The following GUCA2B variants were observed in gnomAD, a reference collection of about 807,000 sequenced individuals.
GUCA2B encodes guanylate cyclase activator 2B, also known as prepro-uroguanylin.
In GUCA2B, 7 loss-of-function variants were observed where a neutral mutation model predicts 11.1. The observed-to-expected ratio is 0.63, with a 90% CI of 0.36 to 1.18. The LOEUF (loss-of-function observed/expected upper bound fraction) is 1.18, where lower values mean the gene tolerates loss of function less well. Among genes scored for constraint, GUCA2B ranks in the 50% most tolerant of loss-of-function variants. GUCA2B has a pLI of 0.02. For missense variants in GUCA2B, 140 were observed against 142.5 expected (o/e 0.98, Z 0.09); for synonymous variants, 69 against 65.3 (o/e 1.06, Z -0.27).
intron 2 of GUCA2B, 136 bp from the exon 3 acceptor site, chr1:42,155,399 A>G: frequency 1.4e-6 from 1 of 729,260 alleles, no homozygotes; most frequent in South Asian, 1.5e-5. Flanking sequence ...ACTTGAACCC[A>G]AGCCCTCACT....
rs756129506 is a variant in GUCA2B, at chr1:42,154,766, C to T, written c.177C>T (p.Ala59=). Residue 59 remains alanine (A), a synonymous_variant, in exon 2 of 3, where the codon GCC becomes GCT. Coordinates refer to ENST00000372581, the MANE Select transcript of GUCA2B (RefSeq NM_007102.3). ...AQWAPSPRLQ[A]QSLLPAVCHH... ...GGGCACCCAGCCCCCGCCTGCAGGCCCAGAGCCTCCTGCCCGCCGTGTGCC... is the reference window on the plus strand; with the variant it reads ...GGGCACCCAGCCCCCGCCTGCAGGCTCAGAGCCTCCTGCCCGCCGTGTGCC... 1.2e-6 allele frequency: 2 copies of T among 1,613,922 alleles called. No homozygotes were observed. Among genetic ancestry groups the T allele is most frequent in the Non-Finnish European group, 1.7e-6 (2 of 1,179,818 alleles).
rs1430408174 is a variant in GUCA2B, at chr1:42,155,749, A to G, written c.*153A>G. 4.3e-6 allele frequency: 3 copies of G among 692,912 alleles called. No homozygotes were observed. Among genetic ancestry groups the G allele is most frequent in the Non-Finnish European group, 7.9e-6 (3 of 382,042 alleles). The allele number at this position is 692,912 out of a possible 1,614,324, so 42.9% of individuals were successfully genotyped here. On this transcript the variant is annotated 3_prime_UTR_variant, in exon 3 of 3. Coordinates refer to ENST00000372581, the MANE Select transcript of GUCA2B (RefSeq NM_007102.3). Reference sequence around the variant, plus strand: ...GGCCTGAGCAGCTGGATCTGGTACAAAGCAATCGGACATAGAGTTGGAGGG... The same window carrying G: ...GGCCTGAGCAGCTGGATCTGGTACAGAGCAATCGGACATAGAGTTGGAGGG...
At position 42,154,694 on chromosome 1, in the gene GUCA2B, G is replaced by T. The variant is rs777570886; in HGVS notation, c.105G>T (p.Arg35=). 4.3e-5 allele frequency: 70 copies of T among 1,613,940 alleles called. No individual in the cohort carries two copies. The highest frequency in any genetic ancestry group is 1.6e-4 in the Middle Eastern group (1 of 6,084). Residue 35 remains arginine, a synonymous_variant, in exon 2 of 3, where the codon CGG becomes CGT. Coordinates refer to ENST00000372581, the MANE Select transcript of GUCA2B (RefSeq NM_007102.3). ...CCTGTCTGTAGTACCAAGGCTTCCG[G>T]GTCCAGCTGGAATCCATGAAGAAGC... ...QSVYIQYQGF[R]VQLESMKKLS...
chr1:42,154,353 C>T (rs948496872), intron 1 of GUCA2B, among the ~76,000 whole-genome samples: 1 of 152,198 alleles, frequency 6.6e-6, no homozygotes, highest in African/African-American at 2.4e-5. Flanking sequence ...AGTGATTGTG[C>T]CCTGGTACCA....
At chr1:42,154,250 A>G (rs956344228) in intron 1 of GUCA2B, among the ~76,000 whole-genome samples, 2 of 152,096 alleles carry the variant, frequency 1.3e-5, no homozygotes, top group Non-Finnish European at 2.9e-5. Flanking sequence ...GGGGTGCAGG[A>G]GACTTGGCCT....
At position 42,155,672 on chromosome 1, in the gene GUCA2B, G is replaced by T; in HGVS notation, c.*76G>T. On this transcript the variant is annotated 3_prime_UTR_variant, in exon 3 of 3. Transcript: ENST00000372581. ...ACCACCCTGGCAGGCTTCCATCCCC[G>T]TCCATGCTCAAGATGGGTCCCTGGC... is the stretch of plus-strand genomic sequence containing the variant. The T allele has an allele frequency of 3.5e-6, 4 of 1,142,334 alleles. No individual in the cohort carries two copies. The South Asian group carries it at 3.7e-5, about 10-fold the overall frequency. 70.8% of individuals were successfully genotyped at this position (1,142,334 alleles called of 1,614,324 possible). A position where few individuals can be genotyped will look rare whatever the true frequency, so the allele number is the denominator to read the frequency against.
At chr1:42,153,778 G>T (rs1005776729) in intron 1 of GUCA2B, among the ~76,000 whole-genome samples, 1 of 152,196 alleles carries the variant, frequency 6.6e-6, no homozygotes, top group Non-Finnish European at 1.5e-5. Flanking sequence ...CCCCTCAAAG[G>T]CCCGTGCTGG....
chr1:42,154,891 A>G, intron 2 of GUCA2B, 25 bp downstream of exon 2: 1 of 1,574,284 alleles, frequency 6.4e-7, no homozygotes, highest in Non-Finnish European at 8.7e-7. Flanking sequence ...TCCCTGCAGA[A>G]CCTCGCTCTG....
chr1:42,154,714 A>G lies in GUCA2B; in HGVS notation c.125A>G (p.Lys42Arg). The G allele has an allele frequency of 6.2e-7, 1 of 1,614,142 alleles. No individual in the cohort carries two copies. Among genetic ancestry groups the G allele is most frequent in the East Asian group, 2.2e-5 (1 of 44,872 alleles). The change falls in exon 2 of 3, where the codon AAG becomes AGG. Residue 42 changes from lysine to arginine, a missense_variant. Lys to Arg is a conservative substitution (Grantham distance 26, BLOSUM62 2). Coordinates refer to ENST00000372581, the MANE Select transcript of GUCA2B (RefSeq NM_007102.3). Reference sequence around the variant, plus strand: ...TTCCGGGTCCAGCTGGAATCCATGAAGAAGCTGAGTGACCTGGAGGCACAG... The same window carrying G: ...TTCCGGGTCCAGCTGGAATCCATGAGGAAGCTGAGTGACCTGGAGGCACAG... ...QGFRVQLESM[K>R]KLSDLEAQWA... is the part of the protein sequence containing the mutation.
At chr1:42,154,494 C>G (rs1029880458) in intron 1 of GUCA2B, among the ~76,000 whole-genome samples, 186 bp from the exon 2 acceptor site, 1 of 152,214 alleles carries the variant, frequency 6.6e-6, no homozygotes, top group African/African-American at 2.4e-5. Context: ...CTGTGCTCCA[C>G]AGCCCCGCTG....
chr1:42,154,813 A>AC lies in GUCA2B; in HGVS notation c.226dup (p.Leu76ProfsTer22), dbSNP rs1646101525. 1 of 1,614,014 alleles carries AC rather than the reference A, an allele frequency of 6.2e-7. No homozygotes were observed. The highest frequency in any genetic ancestry group is 8.5e-7 in the Non-Finnish European group (1 of 1,179,980). On this transcript the variant is annotated frameshift_variant, in exon 2 of 3. Coordinates refer to ENST00000372581, the MANE Select transcript of GUCA2B (RefSeq NM_007102.3). LOFTEE classifies it high-confidence loss of function. ...TGCCACCACCCTGCTCTGCCTCAGG[A>AC]CCTTCAGCCTGTCTGCGCCTCGCAG...
chr1:42,154,902 TCTC>T, intron 2 of GUCA2B, 36 bp downstream of exon 2: 1 of 1,529,396 alleles, frequency 6.5e-7, no homozygotes, highest in Non-Finnish European at 9.0e-7. Context: ...CCTCGCTCTG[TCTC>T]CTCCCACGCC....
rs759003744 is a variant in GUCA2B at position 42,153,534 on chromosome 1, C to T, written c.84C>T (p.Tyr28=). Residue 28 remains tyrosine, a synonymous_variant, in exon 1 of 3, where the codon TAC becomes TAT. Coordinates refer to ENST00000372581, the MANE Select transcript of GUCA2B (RefSeq NM_007102.3). ...TGCTGCAGAGCACACAGTCAGTCTA[C>T]ATCCAGGTGAGTCCCTTGGCCAGCG... is the stretch of plus-strand genomic sequence containing the variant. The part of the protein sequence containing the change: ...LLLLQSTQSV[Y]IQYQGFRVQL... 6.2e-7 allele frequency: 1 copy of T among 1,609,250 alleles called. No individual in the cohort carries two copies. The highest frequency in any genetic ancestry group is 8.5e-7 in the Non-Finnish European group (1 of 1,176,390).
At chr1:42,154,037 C>T (rs1646096229) in intron 1 of GUCA2B, among the ~76,000 whole-genome samples, 1 of 152,184 alleles carries the variant, frequency 6.6e-6, no homozygotes, top group Admixed American at 6.5e-5. Context: ...TGTGCAAAGA[C>T]CAGATAGAAG....
At position 42,154,883 on chromosome 1, in the gene GUCA2B, C is replaced by T. The variant is rs1646101899; in HGVS notation, c.277+17C>T. ...AGACCCTGAGTAAGTGCCCCCGCTC[C>T]CTGCAGAACCTCGCTCTGTCTCCTC... is the stretch of plus-strand genomic sequence containing the variant. On this transcript the variant is annotated intron_variant, in intron 2 of 2. Transcript: ENST00000372581. 3 of 1,587,246 alleles carry T rather than the reference C, an allele frequency of 1.9e-6. No individual in the cohort carries two copies. The highest frequency in any genetic ancestry group is 2.6e-6 in the Non-Finnish European group (3 of 1,161,238).
At chr1:42,154,466 C>T (rs1017272687) in intron 1 of GUCA2B, among the ~76,000 whole-genome samples, 17 of 152,212 alleles carry the variant, frequency 1.1e-4, no homozygotes, top group Non-Finnish European at 2.5e-4. Context: ...GCTTGTCTGT[C>T]TCTAAAGCCT....
intron 1 of GUCA2B, 74 bp from the exon 2 acceptor site, chr1:42,154,606 C>A (rs535845475): frequency 7.9e-7 from 1 of 1,272,682 alleles, no homozygotes; most frequent in Non-Finnish European, 1.2e-6. Flanking sequence ...GTTTGAGCAA[C>A]CCTGGGTGTC....
intron 1 of GUCA2B, 62 bp from the exon 2 acceptor site, chr1:42,154,618 T>C: frequency 1.5e-6 from 2 of 1,370,600 alleles, no homozygotes; most frequent in Non-Finnish European, 2.1e-6. Flanking sequence ...CTGGGTGTCA[T>C]GGCAGTGCCT....
At chr1:42,155,180 A>G (rs1250063253) in intron 2 of GUCA2B, among the ~76,000 whole-genome samples, 4 of 152,242 alleles carry the variant, frequency 2.6e-5, no homozygotes, top group Non-Finnish European at 4.4e-5. Context: ...AGGAGGTGTC[A>G]GCCAAGCTGA....
Sources: allele counts gnomAD v4.1 joint callset (sites outside exome capture counted in the v4.1 genomes callset), GRCh38; gene constraint gnomAD v4.1.1; transcripts MANE v1.5; gene names NCBI Gene and HGNC (gene_info 2026-07-23, HGNC 2026-07-21).